PRDM15: variants seen among roughly 807,000 people sequenced by gnomAD.
PRDM15 encodes the protein PR/SET domain 15.
A neutral mutation model predicts 128.6 loss-of-function variants in PRDM15; 64 were observed. The ratio of observed to expected loss-of-function variants is 0.50; its 90% CI spans 0.41 to 0.61. The LOEUF (loss-of-function observed/expected upper bound fraction) is 0.61. PRDM15 is among the 20% of genes least tolerant of loss of function. PRDM15 has a pLI of 0.00. For missense variants in PRDM15, 1,242 were observed against 1,569.1 expected, an observed-to-expected ratio of 0.79 and a Z score of 3.52; for synonymous variants, 615 against 621.8, an observed-to-expected ratio of 0.99 and a Z score of 0.16.
intron 6 of PRDM15, 117 bp downstream of exon 6, chr21:41,846,973 G>T: frequency 1.5e-6 from 1 of 680,348 alleles, no homozygotes; most frequent in Non-Finnish European, 2.5e-6. Context: ...GTGGGGCAAT[G>T]GGGCAGACAG....
At chr21:41,872,290 T>C (rs1307746529) in intron 1 of PRDM15, among the ~76,000 whole-genome samples, 1 of 152,092 alleles carries the variant, frequency 6.6e-6, no homozygotes, top group Admixed American at 6.5e-5. Context: ...TTTCTCAAAC[T>C]TGGATCTTGC....
intron 6 of PRDM15, among the ~76,000 whole-genome samples, chr21:41,845,763 GA>G (rs1369719264): frequency 6.6e-6 from 1 of 152,118 alleles, no homozygotes; most frequent in East Asian, 1.9e-4. Flanking sequence ...GAATTTCACT[GA>G]AAATATGAAG....
chr21:41,847,617 G>A (rs117315624), intron 5 of PRDM15, among the ~76,000 whole-genome samples: 6 of 152,104 alleles, frequency 3.9e-5, no homozygotes, highest in East Asian at 1.9e-4. Context: ...AGCCAGTGGC[G>A]CCCCCGTGTG....
intron 21 of PRDM15, among the ~76,000 whole-genome samples, chr21:41,806,930 TCACCATCACCACCACCATCTCCAC>T (rs1418126326): frequency 6.6e-5 from 9 of 135,874 alleles, no homozygotes; most frequent in Admixed American, 4.4e-4. Flanking sequence ...ATCACCACTA[TCACCATCACCACCACCATCTCCAC>T]CACCATCATC....
intron 8 of PRDM15, 200 bp from the exon 9 acceptor site, chr21:41,836,849 GCAGC>G: frequency 4.4e-6 from 2 of 458,556 alleles, no homozygotes; most frequent in Non-Finnish European, 7.8e-6. Context: ...ATGACATTAG[GCAGC>G]TTTAGCTGCA....
rs529141401 is a variant in PRDM15, at chr21:41,853,251, C to A, written c.538+1315G>T. Among the ~76,000 whole-genome samples the A allele has an allele frequency of 3.3e-5, 5 of 152,358 alleles. No homozygotes were observed. The East Asian group carries it at 7.7e-4, about 23-fold the overall frequency. On this transcript the variant is annotated intron_variant, in intron 5 of 23. Coordinates refer to ENST00000398548, the MANE Select transcript of PRDM15 (RefSeq NM_001040424.3). The stretch of plus-strand genomic sequence containing the variant: ...GGACAACCAGGGGCATTTTACAAAG[C>A]CTCAATCATACTGACAAACAGGACA...
intron 1 of PRDM15, chr21:41,861,484 A>G (rs2063806068): frequency 8.6e-6 from 11 of 1,271,982 alleles, no homozygotes; most frequent in Non-Finnish European, 5.5e-6. Flanking sequence ...TGGGAGGAGC[A>G]TAAAGTGAGA....
At chr21:41,808,241 C>A (rs2061743288) in intron 21 of PRDM15, among the ~76,000 whole-genome samples, 1 of 152,186 alleles carries the variant, frequency 6.6e-6, no homozygotes, top group Non-Finnish European at 1.5e-5. Flanking sequence ...GCTTCGGGTT[C>A]CTACTCCCCC....
rs980570941 is a variant in PRDM15 at position 41,847,167 on chromosome 21, G to C, written c.563C>G (p.Ala188Gly). The C allele has an allele frequency of 2.6e-6, 4 of 1,554,046 alleles. No homozygotes were observed. The highest frequency in any genetic ancestry group is 1.7e-6 in the Non-Finnish European group (2 of 1,147,918). The stretch of plus-strand genomic sequence containing the variant: ...CTGGCTGGGCTCCGACTCCACGGGG[G>C]CGCTGTTTTCTGGGGTGCCTGCAGC... ...VHAAGTPENS[A>G]PVESEPSQWA... The change falls in exon 6 of 24, where the codon GCC (alanine) becomes GGC (glycine). Residue 188 changes from alanine to glycine, a missense_variant. Ala to Gly is a moderately conservative substitution (Grantham distance 60, BLOSUM62 0). This residue lies in a region of PRDM15 where 612 missense variants were observed against 717.0 expected (regional missense o/e 0.85). Coordinates refer to ENST00000398548, the MANE Select transcript of PRDM15 (RefSeq NM_001040424.3).
Position 41,835,465 on chromosome 21 carries a change from G to T in PRDM15, c.1338C>A (p.Ser446Arg). The T allele has an allele frequency of 6.2e-7, 1 of 1,610,002 alleles. No individual in the cohort carries two copies. The highest frequency in any genetic ancestry group is 2.2e-5 in the East Asian group (1 of 44,862). The change falls in exon 11 of 24, where the codon AGC becomes AGA. Residue 446 changes from serine (S) to arginine (R), a missense_variant. Around this residue, in one of 3 missense-constraint regions of PRDM15, gnomAD observed 612 missense variants for 717.0 expected, o/e 0.85. Coordinates refer to ENST00000398548, the MANE Select transcript of PRDM15 (RefSeq NM_001040424.3). The stretch of plus-strand genomic sequence containing the variant: ...TCCTGCAGTTGTGGAACTCCAGCGC[G>T]CTCTCGATGCGGAAGGTCTTCTCAC... ...GTCEKTFRIE[S>R]ALEFHNCRTD...
chr21:41,799,446 TAA>T lies in PRDM15; in HGVS notation c.*1792_*1793del, dbSNP rs1390000959. 6.6e-6 allele frequency: 1 copy of T among 152,086 alleles called. No homozygotes were observed. Among genetic ancestry groups the T allele is most frequent in the African/African-American group, 2.4e-5 (1 of 41,388 alleles). The allele number at this position is 152,086 out of a possible 1,614,324, so 9.4% of individuals were successfully genotyped here. ...ATAACATAAAATAATTCTCATAAATTAAAAGTCAAATGATCTCCCACTATTCA... is the reference window on the plus strand; with the variant it reads ...ATAACATAAAATAATTCTCATAAATTAAGTCAAATGATCTCCCACTATTCA... On this transcript the variant is annotated 3_prime_UTR_variant, in exon 24 of 24. Transcript: ENST00000398548.
At chr21:41,850,096 A>G (rs1220436207) in intron 5 of PRDM15, among the ~76,000 whole-genome samples, 1 of 152,246 alleles carries the variant, frequency 6.6e-6, no homozygotes, top group African/African-American at 2.4e-5. Flanking sequence ...GGTGATTTTG[A>G]AAATTTTCTC....
At chr21:41,875,653 C>G (rs1162102697) in intron 1 of PRDM15, among the ~76,000 whole-genome samples, 1 of 152,234 alleles carries the variant, frequency 6.6e-6, no homozygotes, top group East Asian at 1.9e-4. Flanking sequence ...TACACTTCTT[C>G]CTCTAGGAAC....
rs942010563 is a variant in PRDM15 at position 41,828,099 on chromosome 21, T to A, written c.1534+67A>T. 2 of 1,568,378 alleles carry A rather than the reference T, an allele frequency of 1.3e-6. No homozygotes were observed. Among genetic ancestry groups the A allele is most frequent in the Non-Finnish European group, 1.7e-6 (2 of 1,148,522 alleles). Reference sequence around the variant, plus strand: ...CCCAAAGGCCCTGCTGACTGCTCCATGCCGCCCTGCCCCACCCCGCAGGAG... The same window carrying A: ...CCCAAAGGCCCTGCTGACTGCTCCAAGCCGCCCTGCCCCACCCCGCAGGAG... On this transcript the variant is annotated intron_variant, in intron 12 of 23. Transcript: ENST00000398548. The surrounding 1 kb of genome is among the most constrained non-coding windows in gnomAD (Gnocchi z 5.7).
rs371587258 is a variant in PRDM15 at position 41,839,731 on chromosome 21, C to A, written c.763G>T (p.Glu255Ter). 2 of 1,614,136 alleles carry A rather than the reference C, an allele frequency of 1.2e-6. No homozygotes were observed. The highest frequency in any genetic ancestry group is 2.7e-5 in the African/African-American group (2 of 74,956). Residue 255 changes from glutamate (E) to a stop codon, truncating the protein, a stop_gained, in exon 7 of 24, where the codon GAG becomes TAG. Transcript: ENST00000398548. LOFTEE classifies it high-confidence loss of function. ...RGEPPAVPES[E>*]NVATKEQKKK... ...TTCTGTTCTTTGGTGGCAACATTCT[C>A]GCTCTCGGGCACTGCAGGGGGTTCC...
intron 19 of PRDM15, chr21:41,815,041 G>A (rs902760042): frequency 6.5e-6 from 1 of 154,944 alleles, no homozygotes. Flanking sequence ...GATTGCGCAG[G>A]GTGCTCTAGT....
At chr21:41,824,359 A>G (rs2062392446) in intron 13 of PRDM15, among the ~76,000 whole-genome samples, 1 of 152,232 alleles carries the variant, frequency 6.6e-6, no homozygotes, top group Non-Finnish European at 1.5e-5. Flanking sequence ...GAGAGGACAG[A>G]GTCTGCAGAT....
At chr21:41,868,795 A>G (rs1259293537) in intron 1 of PRDM15, among the ~76,000 whole-genome samples, 2 of 150,114 alleles carry the variant, frequency 1.3e-5, no homozygotes, top group African/African-American at 4.9e-5. Context: ...GGTTCAAGCA[A>G]TTCTCCTGCC....
rs201971425 is a variant in PRDM15, at chr21:41,839,690, C to G, written c.804G>C (p.Arg268Ser). The G allele has an allele frequency of 4.0e-5, 65 of 1,614,264 alleles. No individual in the cohort carries two copies. The East Asian group carries it at 9.8e-4, about 24-fold the overall frequency. ...CTTTGGACACTTTGGGTTTTCTCCCCCTTCGAGGCTTTTTCTTCTGTTCTT... is the reference window on the plus strand; with the variant it reads ...CTTTGGACACTTTGGGTTTTCTCCCGCTTCGAGGCTTTTTCTTCTGTTCTT... Reference protein sequence around the residue: ...ATKEQKKKPRRGRKPKVSKAE... With the variant: ...ATKEQKKKPRSGRKPKVSKAE... Residue 268 changes from arginine to serine, a missense_variant, in exon 7 of 24, where the codon AGG (arginine) becomes AGC (serine). By Grantham distance (110) the Arg-to-Ser change is moderately radical. Around this residue, in one of 3 missense-constraint regions of PRDM15, gnomAD observed 612 missense variants for 717.0 expected, o/e 0.85. Coordinates refer to ENST00000398548, the MANE Select transcript of PRDM15 (RefSeq NM_001040424.3).
Sources: gnomAD v4.1 joint callset for allele counts (sites outside exome capture counted in the v4.1 genomes callset) on GRCh38, gnomAD v4.1.1 for gene constraint, gnomAD v4.1.1 regional missense constraint, Gnocchi (gnomAD v3.1) non-coding constraint, MANE v1.5 for transcripts, NCBI Gene and HGNC (gene_info 2026-07-23, HGNC 2026-07-21) for gene names.